WWOX: variants seen among roughly 807,000 people sequenced by gnomAD.
The protein encoded by WWOX is WW domain-containing oxidoreductase.
In WWOX, 69 loss-of-function variants were observed where a neutral mutation model predicts 46.2. The observed-to-expected ratio is 1.49, with a 90% CI of 1.23 to 1.82. WWOX has a LOEUF of 1.82. Among genes scored for constraint, WWOX ranks in the 40% most tolerant of loss-of-function variants. The pLI, the probability that WWOX is intolerant of heterozygous loss-of-function variation, is 0.00. For synonymous variants in WWOX, 359 were observed against 202.6 expected (o/e 1.77, Z -6.56); for missense variants, 919 against 542.6 (o/e 1.69, Z -6.89).
intron 5 of WWOX, among the ~76,000 whole-genome samples, chr16:78,191,319 A>C (rs1239236244): frequency 1.3e-5 from 2 of 152,204 alleles, no homozygotes; most frequent in Non-Finnish European, 2.9e-5. Context: ...CTTTTGGACC[A>C]TTGAGCTACT....
intron 8 of WWOX, among the ~76,000 whole-genome samples, chr16:78,482,667 A>G (rs1336092184): frequency 6.6e-6 from 1 of 152,202 alleles, no homozygotes; most frequent in East Asian, 1.9e-4. Flanking sequence ...CCAGGCAGAG[A>G]AACTGAGGCT....
At chr16:78,652,866 G>T (rs2046997514) in intron 8 of WWOX, among the ~76,000 whole-genome samples, 1 of 152,078 alleles carries the variant, frequency 6.6e-6, no homozygotes, top group Non-Finnish European at 1.5e-5. Context: ...CATAAAACGT[G>T]ATTTGACTCC....
At chr16:79,097,513 A>C (rs558594173) in intron 8 of WWOX, among the ~76,000 whole-genome samples, 1 of 152,178 alleles carries the variant, frequency 6.6e-6, no homozygotes, top group African/African-American at 2.4e-5. Flanking sequence ...CCGCAGCGCT[A>C]TCATATGCTC....
intron 8 of WWOX, among the ~76,000 whole-genome samples, chr16:79,025,837 C>T (rs942691716): frequency 1.1e-4 from 9 of 84,960 alleles, no homozygotes; most frequent in Admixed American, 7.6e-4. Context: ...TTGCTCTTGT[C>T]GCCTAGGCTG....
At chr16:78,996,725 A>T (rs1192616620) in intron 8 of WWOX, among the ~76,000 whole-genome samples, 1 of 152,178 alleles carries the variant, frequency 6.6e-6, no homozygotes, top group South Asian at 2.1e-4. Context: ...TAAACAGCCC[A>T]TGAAAACAGG....
chr16:78,842,084 T>C (rs1456971814), intron 8 of WWOX, among the ~76,000 whole-genome samples: 1 of 152,140 alleles, frequency 6.6e-6, no homozygotes, highest in Non-Finnish European at 1.5e-5. Context: ...GGTGCCTTTG[T>C]GGAAGTGTGT....
intron 8 of WWOX, among the ~76,000 whole-genome samples, chr16:78,653,441 G>A (rs2047010095): frequency 6.6e-6 from 1 of 152,188 alleles, no homozygotes; most frequent in Admixed American, 6.5e-5. Flanking sequence ...CCATAATGCT[G>A]TGTTCCTTGC....
chr16:78,453,955 T>C (rs1170883278), intron 8 of WWOX, among the ~76,000 whole-genome samples: 2 of 152,272 alleles, frequency 1.3e-5, no homozygotes, highest in East Asian at 1.9e-4. Flanking sequence ...AACTTGTAGA[T>C]TGGGCAGATC....
chr16:78,988,897 C>G (rs2046831774), intron 8 of WWOX, among the ~76,000 whole-genome samples: 1 of 152,162 alleles, frequency 6.6e-6, no homozygotes. Context: ...GGTGGGCAGT[C>G]AGGCAAAGCA....
chr16:78,187,088 C>G (rs2035734601), intron 5 of WWOX, among the ~76,000 whole-genome samples: 1 of 152,308 alleles, frequency 6.6e-6, no homozygotes, highest in African/African-American at 2.4e-5. Flanking sequence ...ACAGAACTGT[C>G]CCATCTCCCC....
At chr16:78,544,089 G>A (rs190538074) in intron 8 of WWOX, among the ~76,000 whole-genome samples, 1 of 152,246 alleles carries the variant, frequency 6.6e-6, no homozygotes, top group African/African-American at 2.4e-5. Flanking sequence ...CCATGTTTTT[G>A]ACTTTCAGGA....
intron 8 of WWOX, among the ~76,000 whole-genome samples, chr16:79,020,005 G>C (rs1224976278): frequency 6.6e-6 from 1 of 152,196 alleles, no homozygotes; most frequent in African/African-American, 2.4e-5. Context: ...CTGTGGGGAA[G>C]AGCTCATCAT....
At chr16:78,115,496 A>C (rs1021828371) in intron 4 of WWOX, among the ~76,000 whole-genome samples, 56 of 152,198 alleles carry the variant, frequency 3.7e-4, no homozygotes, top group Non-Finnish European at 7.6e-4. Context: ...ATTCAAACCA[A>C]AATTGATTGG....
intron 8 of WWOX, among the ~76,000 whole-genome samples, chr16:78,747,247 A>G (rs1422767972): frequency 6.9e-6 from 1 of 145,732 alleles, no homozygotes; most frequent in African/African-American, 2.6e-5. Context: ...GCTGGAGTGC[A>G]GTAGCACGAT....
intron 8 of WWOX, among the ~76,000 whole-genome samples, chr16:79,012,922 T>A (rs1488556205): frequency 1.3e-5 from 2 of 152,138 alleles, no homozygotes; most frequent in Non-Finnish European, 2.9e-5. Context: ...CTGGGTGTGG[T>A]GGCTCATGCC....
chr16:78,584,101 C>G (rs951989195), intron 8 of WWOX, among the ~76,000 whole-genome samples: 1 of 152,194 alleles, frequency 6.6e-6, no homozygotes, highest in Non-Finnish European at 1.5e-5. Flanking sequence ...TGGTTTATGT[C>G]TTCCACACTG....
intron 8 of WWOX, among the ~76,000 whole-genome samples, chr16:79,049,538 T>C (rs2048127380): frequency 6.6e-6 from 1 of 152,128 alleles, no homozygotes; most frequent in Admixed American, 6.5e-5. Flanking sequence ...GGGCTTTCTC[T>C]TAAGACTGCA....
At chr16:78,751,223 A>T (rs546321252) in intron 8 of WWOX, among the ~76,000 whole-genome samples, 1 of 152,148 alleles carries the variant, frequency 6.6e-6, no homozygotes, top group Admixed American at 6.5e-5. Context: ...CGAACTACAT[A>T]TCAGAAATTA....
intron 8 of WWOX, among the ~76,000 whole-genome samples, chr16:79,093,482 A>G (rs2049005763): frequency 6.6e-6 from 1 of 152,078 alleles, no homozygotes; most frequent in Non-Finnish European, 1.5e-5. Flanking sequence ...TGCTTGCAAT[A>G]TATATGATGA....
Sources: allele counts gnomAD v4.1 joint callset (sites outside exome capture counted in the v4.1 genomes callset), GRCh38; gene constraint gnomAD v4.1.1; transcripts MANE v1.5; gene names NCBI Gene and HGNC (gene_info 2026-07-23, HGNC 2026-07-21).